Variants in SPG11 observed in about 807,000 individuals in gnomAD.
SPG11 encodes the protein SPG11 vesicle trafficking associated, spatacsin, also known as spatacsin.
A neutral mutation model predicts 274.0 loss-of-function variants in SPG11; 222 were observed. The ratio of observed to expected loss-of-function variants is 0.81; its 90% CI spans 0.73 to 0.91. The LOEUF is 0.91. Among genes scored for constraint, SPG11 ranks in the 40% least tolerant of loss-of-function variants. The pLI, the probability that SPG11 is intolerant of heterozygous loss-of-function variation, is 0.00. For missense variants in SPG11, 3,114 were observed against 2,872.7 expected (o/e 1.08, Z -1.92); for synonymous variants, 1,144 against 1,039.7 (o/e 1.10, Z -1.93).
intron 7 of SPG11, among the ~76,000 whole-genome samples, chr15:44,648,151 A>C (rs374936931): frequency 1.3e-5 from 2 of 152,196 alleles, no homozygotes; most frequent in East Asian, 3.8e-4. Context: ...ATTCCATGTA[A>C]AAGAGTGTTT....
Position 44,626,478 on chromosome 15 carries a change from G to A in SPG11, c.2097C>T (p.Asn699=). 10 of 1,613,894 alleles carry A rather than the reference G, an allele frequency of 6.2e-6. No individual in the cohort carries two copies. The highest frequency in any genetic ancestry group is 1.3e-5 in the African/African-American group (1 of 75,028). ...AGAAAGTCTGTGCCTCTGGTATTTT[G>A]TTGTTTAAAATGGCGCTGGCAATAA... ...EEVIASAILN[N]KIPEAQTFFR... The change falls in exon 11 of 40, where the codon AAC becomes AAT. Residue 699 remains asparagine (N), a synonymous_variant. Transcript: ENST00000261866.
Position 44,610,979 on chromosome 15 carries a change from T to G in SPG11, c.3152A>C (p.Lys1051Thr). The stretch of plus-strand genomic sequence containing the variant: ...TGCAAGGCTAGCCTGGAAGATCAGT[T>G]TGGGATCTGGAAAATAAAAGACAGT... ...RQVASNLTDP[K>T]LIFQASLANA... Residue 1051 changes from lysine (K) to threonine (T), a missense_variant, in exon 18 of 40, where the codon AAA becomes ACA. Coordinates refer to ENST00000261866, the MANE Select transcript of SPG11 (RefSeq NM_025137.4). The G allele has an allele frequency of 1.9e-6, 3 of 1,613,498 alleles. No homozygotes were observed. Among genetic ancestry groups the G allele is most frequent in the Non-Finnish European group, 1.7e-6 (2 of 1,179,928 alleles).
rs2083151571 is a variant in SPG11, at chr15:44,600,259, CT to C, written c.3686+207del. The C allele has an allele frequency of 7.4e-6, 4 of 538,386 alleles. No individual in the cohort carries two copies. In the East Asian group the frequency reaches 1.3e-4, roughly 18 times the overall value. 33.4% of individuals were successfully genotyped at this position (538,386 alleles called of 1,614,324 possible). ...ATGTAAAACATTATACAGATATGCC[CT>C]TTTTTAGAATACAAATTATATTTTA... is the stretch of plus-strand genomic sequence containing the variant. On this transcript the variant is annotated intron_variant, in intron 21 of 39. Transcript: ENST00000261866.
intron 23 of SPG11, chr15:44,597,287 T>A (rs2083071336): frequency 3.6e-6 from 1 of 274,492 alleles, no homozygotes; most frequent in Non-Finnish European, 7.2e-6. Flanking sequence ...TAATTTTGTA[T>A]TTTTACTAAA....
At chr15:44,594,701 T>G (rs1354950379) in intron 26 of SPG11, among the ~76,000 whole-genome samples, 1 of 151,660 alleles carries the variant, frequency 6.6e-6, no homozygotes, top group Non-Finnish European at 1.5e-5. Flanking sequence ...AGGTTGAGGC[T>G]GGAGTGAGCC....
At chr15:44,660,979 T>C (rs2085088026) in intron 1 of SPG11, among the ~76,000 whole-genome samples, 1 of 152,214 alleles carries the variant, frequency 6.6e-6, no homozygotes, top group African/African-American at 2.4e-5. Context: ...TGAGGTGGTA[T>C]TCACAATAAA....
chr15:44,630,545 C>G (rs746510231), intron 8 of SPG11, among the ~76,000 whole-genome samples: 6 of 152,160 alleles, frequency 3.9e-5, no homozygotes, highest in Non-Finnish European at 8.8e-5. Context: ...AAAGAGGAGA[C>G]CAAACTCTGC....
intron 32 of SPG11, 25 bp from the exon 33 acceptor site, chr15:44,572,845 G>T (rs369949347): frequency 1.2e-4 from 201 of 1,613,692 alleles, no homozygotes; most frequent in Non-Finnish European, 1.6e-4. Flanking sequence ...GTGAAGACAG[G>T]TGCTGGTTTT....
intron 7 of SPG11, among the ~76,000 whole-genome samples, chr15:44,644,706 G>A (rs772263649): frequency 2.6e-5 from 4 of 152,070 alleles, no homozygotes; most frequent in Non-Finnish European, 4.4e-5. Context: ...TCCTGGATCT[G>A]ATAAACAACT....
rs1216136727 is a variant in SPG11, at chr15:44,661,115, T to C, written c.258-499A>G. Among the ~76,000 whole-genome samples the C allele has an allele frequency of 2.0e-5, 3 of 152,214 alleles. No individual in the cohort carries two copies. In the East Asian group the frequency reaches 5.8e-4, roughly 29 times the overall value. Reference sequence around the variant, plus strand: ...AACCTTCCGTGATGGAAATGTTTTATATTAGCATTGCCCAATACAGTAGTC... The same window carrying C: ...AACCTTCCGTGATGGAAATGTTTTACATTAGCATTGCCCAATACAGTAGTC... On this transcript the variant is annotated intron_variant, in intron 1 of 39. Coordinates refer to ENST00000261866, the MANE Select transcript of SPG11 (RefSeq NM_025137.4).
rs1383540845 is a variant in SPG11 at position 44,569,431 on chromosome 15, G to A, written c.6552C>T (p.Tyr2184=). Residue 2184 remains tyrosine, a synonymous_variant, in exon 35 of 40, where the codon TAC becomes TAT. Transcript: ENST00000261866. ...YIFDLLHKKH[Y]FEVLMRKKLD... Reference sequence around the variant, plus strand: ...ACTTCTTCCTCATTAGCACTTCAAAGTAGTGCTTTTTATGCAGCAAATCAA... The same window carrying A: ...ACTTCTTCCTCATTAGCACTTCAAAATAGTGCTTTTTATGCAGCAAATCAA... The A allele has an allele frequency of 3.7e-6, 6 of 1,606,864 alleles. No individual in the cohort carries two copies. Among genetic ancestry groups the A allele is most frequent in the South Asian group, 1.1e-5 (1 of 89,638 alleles).
At position 44,600,602 on chromosome 15, in the gene SPG11, C is replaced by T; in HGVS notation, c.3551G>A (p.Ser1184Asn). ...AGCATATTTATTAACCAGGTCAGGG[C>T]TAGAGAAATGTGGGAGATGACTCCA... Reference protein sequence around the residue: ...DAWSHLPHFSSPDLVNKYAIV... With the variant: ...DAWSHLPHFSNPDLVNKYAIV... The change falls in exon 21 of 40, where the codon AGC becomes AAC. Residue 1184 changes from serine to asparagine, a missense_variant. Transcript: ENST00000261866. 6.2e-7 allele frequency: 1 copy of T among 1,614,026 alleles called. No homozygotes were observed. The highest frequency in any genetic ancestry group is 8.5e-7 in the Non-Finnish European group (1 of 1,179,998).
intron 14 of SPG11, 160 bp downstream of exon 14, chr15:44,621,594 CTGAGA>C: frequency 5.8e-6 from 4 of 685,516 alleles, no homozygotes; most frequent in Non-Finnish European, 9.9e-6. Flanking sequence ...CCCAGAAACT[CTGAGA>C]TAAGAAAGAG....
intron 30 of SPG11, among the ~76,000 whole-genome samples, chr15:44,579,047 A>G (rs2082605351): frequency 6.6e-6 from 1 of 151,940 alleles, no homozygotes; most frequent in African/African-American, 2.4e-5. Context: ...AATCCCAGCT[A>G]CTCGGGAGGC....
intron 17 of SPG11, among the ~76,000 whole-genome samples, chr15:44,611,827 T>C (rs1595880156): frequency 6.7e-6 from 1 of 149,054 alleles, no homozygotes; most frequent in African/African-American, 2.5e-5. Context: ...TTTTTTTTTT[T>C]TGAGATGGAG....
intron 2 of SPG11, among the ~76,000 whole-genome samples, chr15:44,659,621 G>T (rs923526875): frequency 6.6e-6 from 1 of 152,136 alleles, no homozygotes; most frequent in African/African-American, 2.4e-5. Flanking sequence ...AAAAAAAGAA[G>T]AAACCTTATA....
intron 19 of SPG11, among the ~76,000 whole-genome samples, chr15:44,607,615 A>C (rs2140997617): frequency 6.6e-6 from 1 of 152,296 alleles, no homozygotes; most frequent in South Asian, 2.1e-4. Context: ...ATACTATGAG[A>C]ATATGTGTAT....
chr15:44,590,385 G>A (rs754085322), intron 27 of SPG11: 1 of 152,112 alleles, frequency 6.6e-6, no homozygotes, highest in Non-Finnish European at 1.5e-5. Context: ...GATGCTGCAG[G>A]AAAAGGCTGA....
chr15:44,615,550 C>A lies in SPG11; in HGVS notation c.2851G>T (p.Ala951Ser), dbSNP rs1431880035. 1 of 1,613,690 alleles carries A rather than the reference C, an allele frequency of 6.2e-7. No homozygotes were observed. ...DKLARNGVFL[A>S]SELEDFECFL... ...CATTCAAAGTCTTCCAGTTCAGATG[C>A]CAAAAAAACCCCATTCCTATGGACA... Residue 951 changes from alanine to serine, a missense_variant, in exon 16 of 40, where the codon GCA becomes TCA. Physicochemically the swap from Ala to Ser is moderately conservative, Grantham distance 99 (BLOSUM62 1). Coordinates refer to ENST00000261866, the MANE Select transcript of SPG11 (RefSeq NM_025137.4).
Sources: allele counts gnomAD v4.1 joint callset (sites outside exome capture counted in the v4.1 genomes callset), GRCh38; gene constraint gnomAD v4.1.1; transcripts MANE v1.5; gene names NCBI Gene and HGNC (gene_info 2026-07-23, HGNC 2026-07-21).